The following RBIS variants were observed in gnomAD, a reference collection of about 807,000 sequenced individuals.
The protein encoded by RBIS is ribosomal biogenesis factor, also known as ribosome biogenesis factor identified in screen.
In RBIS, 9 loss-of-function variants were observed where a neutral mutation model predicts 9.8. That is an observed-to-expected ratio of 0.92 (90% CI 0.56 to 1.61). RBIS has a LOEUF of 1.61. RBIS is among the 40% of genes most tolerant of loss of function. The pLI is 0.00. For missense variants in RBIS, 103 were observed against 116.0 expected, an observed-to-expected ratio of 0.89 and a Z score of 0.51; for synonymous variants, 35 against 37.9, an observed-to-expected ratio of 0.92 and a Z score of 0.28.
intron 1 of RBIS, chr8:85,219,145 ATC>A (rs1339255963): frequency 6.6e-6 from 1 of 152,188 alleles, no homozygotes; most frequent in Non-Finnish European, 1.5e-5. Context: ...TGCCACACAT[ATC>A]TCCTGTTACG....
intron 1 of RBIS, chr8:85,219,082 G>A (rs1333961619): frequency 2.0e-5 from 3 of 152,176 alleles, no homozygotes; most frequent in Non-Finnish European, 4.4e-5. Context: ...ATGTATAAGG[G>A]GCAACGTGCC....
In RBIS at chr8:85,214,346, T is replaced by G; in HGVS notation, c.*214A>C. 1.7e-6 allele frequency: 1 copy of G among 592,926 alleles called. No individual in the cohort carries two copies. Among genetic ancestry groups the G allele is most frequent in the Non-Finnish European group, 3.0e-6 (1 of 334,054 alleles). The allele number at this position is 592,926 out of a possible 1,614,324, so 36.7% of individuals were successfully genotyped here. On this transcript the variant is annotated 3_prime_UTR_variant, in exon 4 of 4. Coordinates refer to ENST00000619594, the MANE Select transcript of RBIS (RefSeq NM_001099673.3). ...ATATATAACTGTTTCAGTGAACAGATTTTGTGAAGTGCCTTCTGTTTTAGC... is the reference window on the plus strand; with the variant it reads ...ATATATAACTGTTTCAGTGAACAGAGTTTGTGAAGTGCCTTCTGTTTTAGC...
chr8:85,217,848 T>C (rs986008004), intron 1 of RBIS: 1 of 209,108 alleles, frequency 4.8e-6, no homozygotes, highest in African/African-American at 2.3e-5. Flanking sequence ...TACTATGCTA[T>C]TCTGGTTCCT....
At chr8:85,219,618 A>T (rs1487511749) in intron 1 of RBIS, among the ~76,000 whole-genome samples, 2 of 151,852 alleles carry the variant, frequency 1.3e-5, no homozygotes, top group Non-Finnish European at 2.9e-5. Flanking sequence ...GGGCGTGGTG[A>T]CGCGCGCCTC....
At position 85,214,602 on chromosome 8, in the gene RBIS, T is replaced by C. The variant is rs867424952; in HGVS notation, c.261A>G (p.Pro87=). Residue 87 remains proline, a synonymous_variant, in exon 4 of 4, where the codon CCA becomes CCG. Transcript: ENST00000619594. ...LIPQQRHESK[P]VNVDEATRLM... is the part of the protein sequence containing the mutation. Reference sequence around the variant, plus strand: ...ATCTTGTAGCTTCATCAACATTAACTGGTTTGCTTTCATGACGCTGCTGAG... The same window carrying C: ...ATCTTGTAGCTTCATCAACATTAACCGGTTTGCTTTCATGACGCTGCTGAG... 6.3e-7 allele frequency: 1 copy of C among 1,584,518 alleles called. No individual in the cohort carries two copies. Among genetic ancestry groups the C allele is most frequent in the African/African-American group, 1.3e-5 (1 of 74,342 alleles).
rs1813046358 is a variant in RBIS at position 85,214,424 on chromosome 8, A to G, written c.*136T>C. On this transcript the variant is annotated 3_prime_UTR_variant, in exon 4 of 4. Coordinates refer to ENST00000619594, the MANE Select transcript of RBIS (RefSeq NM_001099673.3). ...TTCTGACATTCCACTTTCCTAGGTT[A>G]TAGGAAAGATCTGTTTATGTAGTTT... 4.4e-6 allele frequency: 3 copies of G among 674,552 alleles called. No individual in the cohort carries two copies. The South Asian group carries it at 5.1e-5, about 12-fold the overall frequency. 41.8% of individuals were successfully genotyped at this position (674,552 alleles called of 1,614,324 possible).
rs929867980 is a variant in RBIS at position 85,214,475 on chromosome 8, A to C, written c.*85T>G. The C allele has an allele frequency of 1.7e-5, 16 of 930,314 alleles. No individual in the cohort carries two copies. The African/African-American group carries it at 2.7e-4, about 16-fold the overall frequency. The allele number at this position is 930,314 out of a possible 1,614,324, so 57.6% of individuals were successfully genotyped here. On this transcript the variant is annotated 3_prime_UTR_variant, in exon 4 of 4. Coordinates refer to ENST00000619594, the MANE Select transcript of RBIS (RefSeq NM_001099673.3). ...GTTTTTAAAATGTGCCAATGCCTGT[A>C]CATTAACAAGATTTTTAAAAATAAA...
intron 1 of RBIS, among the ~76,000 whole-genome samples, chr8:85,218,256 A>C (rs973656379): frequency 6.6e-6 from 1 of 152,174 alleles, no homozygotes; most frequent in Non-Finnish European, 1.5e-5. Context: ...TGTAAGAAGT[A>C]CTATTATCCC....
chr8:85,217,595 TTCTA>T, intron 1 of RBIS, 93 bp from the exon 2 acceptor site: 4 of 781,084 alleles, frequency 5.1e-6, no homozygotes, highest in South Asian at 1.6e-5. Context: ...ATCTAAAAAA[TTCTA>T]TCTTACTCTT....
chr8:85,214,050 T>C lies in RBIS; in HGVS notation c.*510A>G, dbSNP rs1007156709. The stretch of plus-strand genomic sequence containing the variant: ...TAAAAACAAAGGGCTCTGATTGCTT[T>C]AGGGGATAAGTGATTTAATATCCAC... On this transcript the variant is annotated 3_prime_UTR_variant, in exon 4 of 4. Transcript: ENST00000619594. 1.9e-4 allele frequency: 111 copies of C among 596,376 alleles called. 1 individual carries two copies. Among genetic ancestry groups the C allele is most frequent in the Non-Finnish European group, 3.6e-5 (12 of 335,814 alleles). The allele number at this position is 596,376 out of a possible 1,614,324, so 36.9% of individuals were successfully genotyped here.
chr8:85,219,959 C>T (rs1813302596), intron 1 of RBIS, among the ~76,000 whole-genome samples: 2 of 151,986 alleles, frequency 1.3e-5, no homozygotes, highest in South Asian at 4.2e-4. Flanking sequence ...ACACATGGAC[C>T]ATGAACAGAC....
chr8:85,217,358 A>C (rs1257453006), intron 2 of RBIS, 28 bp downstream of exon 2: 1 of 1,269,564 alleles, frequency 7.9e-7, no homozygotes, highest in South Asian at 1.2e-5. Flanking sequence ...TGTAAACAAT[A>C]AAGTCAGAGT....
Position 85,217,398 on chromosome 8 carries a change from A to G in RBIS, c.102T>C (p.Thr34=). 6.3e-7 allele frequency: 1 copy of G among 1,588,828 alleles called. No individual in the cohort carries two copies. The highest frequency in any genetic ancestry group is 1.3e-5 in the African/African-American group (1 of 74,526). The change falls in exon 2 of 4, where the codon ACT becomes ACC. Residue 34 remains threonine (T), a synonymous_variant. Coordinates refer to ENST00000619594, the MANE Select transcript of RBIS (RefSeq NM_001099673.3). ...AACTAATACTCACCTTCTTAAGATT[A>G]GTGGTAACTGGTTTTGCTTTGTTTT... The part of the protein sequence containing the change: ...KAKNKAKPVT[T]NLKKINIMNE...
chr8:85,217,268 T>C (rs1201348478), intron 2 of RBIS, 118 bp downstream of exon 2: 2 of 734,472 alleles, frequency 2.7e-6, no homozygotes, highest in Non-Finnish European at 5.0e-6. Flanking sequence ...AAACCATCCT[T>C]ACCTTTCTAG....
chr8:85,214,184 G>A lies in RBIS; in HGVS notation c.*376C>T. 1 of 536,094 alleles carries A rather than the reference G, an allele frequency of 1.9e-6. No homozygotes were observed. Among genetic ancestry groups the A allele is most frequent in the Non-Finnish European group, 3.6e-6 (1 of 280,376 alleles). 33.2% of individuals were successfully genotyped at this position (536,094 alleles called of 1,614,324 possible). On this transcript the variant is annotated 3_prime_UTR_variant, in exon 4 of 4. Coordinates refer to ENST00000619594, the MANE Select transcript of RBIS (RefSeq NM_001099673.3). ...GGAGGAAAGTTAAAGGACACTACAG[G>A]TCATCAAAAACAAGTTGGCCAAGGA...
chr8:85,216,310 AG>A (rs767589537), intron 2 of RBIS: 3 of 152,320 alleles, frequency 2.0e-5, no homozygotes, highest in African/African-American at 7.2e-5. Context: ...TAACAGAGGT[AG>A]GGGTGGTGCT....
Position 85,217,781 on chromosome 8 carries a change from C to G in RBIS, c.-3-279G>C, listed in dbSNP as rs1813209155. The G allele has an allele frequency of 2.8e-5, 12 of 426,700 alleles. No individual in the cohort carries two copies. In the South Asian group the frequency reaches 3.5e-4, roughly 12 times the overall value. The allele number at this position is 426,700 out of a possible 1,614,324, so 26.4% of individuals were successfully genotyped here. A position where few individuals can be genotyped will look rare whatever the true frequency, so the allele number is the denominator to read the frequency against. On this transcript the variant is annotated intron_variant, in intron 1 of 3. Coordinates refer to ENST00000619594, the MANE Select transcript of RBIS (RefSeq NM_001099673.3). ...GTTGAATTCACTAATATCATCAACACAATAACTGTTATTCTCAGCAGTACC... is the reference window on the plus strand; with the variant it reads ...GTTGAATTCACTAATATCATCAACAGAATAACTGTTATTCTCAGCAGTACC...
intron 1 of RBIS, chr8:85,219,054 C>T (rs944568180): frequency 6.6e-5 from 10 of 152,216 alleles, no homozygotes; most frequent in Admixed American, 4.6e-4. Flanking sequence ...ATGTTAAAAA[C>T]CTTCAACAGT....
chr8:85,215,712 T>C (rs1220798243), intron 2 of RBIS: 1 of 152,304 alleles, frequency 6.6e-6, no homozygotes, highest in East Asian at 1.9e-4. Flanking sequence ...TCCATCTGGC[T>C]ACGCATCTGT....
Sources: gnomAD v4.1 joint callset for allele counts (sites outside exome capture counted in the v4.1 genomes callset) on GRCh38, gnomAD v4.1.1 for gene constraint, MANE v1.5 for transcripts, NCBI Gene and HGNC (gene_info 2026-07-23, HGNC 2026-07-21) for gene names.